The following TNFRSF11B variants were observed in gnomAD, a reference collection of about 807,000 sequenced individuals.
TNFRSF11B encodes the protein tumor necrosis factor receptor superfamily member 11B.
TNFRSF11B carries 16 observed loss-of-function variants against 43.4 expected under a neutral mutation model. The ratio of observed to expected loss-of-function variants is 0.37; its 90% CI spans 0.25 to 0.56. TNFRSF11B has a LOEUF of 0.56. TNFRSF11B is among the 20% of genes least tolerant of loss of function. The pLI, the probability that TNFRSF11B is intolerant of heterozygous loss-of-function variation, is 0.80. For missense variants in TNFRSF11B, 444 were observed against 490.1 expected, an observed-to-expected ratio of 0.91 and a Z score of 0.89; for synonymous variants, 185 against 181.8, an observed-to-expected ratio of 1.02 and a Z score of -0.14.
At chr8:118,930,858 C>T in intron 2 of TNFRSF11B, 4 of 380,888 alleles carry the variant, frequency 1.1e-5, no homozygotes, top group Admixed American at 8.1e-5. Flanking sequence ...AATGACAGAA[C>T]TAATGTTTCA....
chr8:118,951,844 G>T lies in TNFRSF11B; in HGVS notation c.-23C>A. ...CATTGTGGTCCCCGGAAACCTCAGG[G>T]GCTTGGAGGCGGCGGCTGGGCGAGC... On this transcript the variant is annotated 5_prime_UTR_variant, in exon 1 of 5. Coordinates refer to ENST00000297350, the MANE Select transcript of TNFRSF11B (RefSeq NM_002546.4). 6.3e-7 allele frequency: 1 copy of T among 1,580,236 alleles called. No homozygotes were observed. The highest frequency in any genetic ancestry group is 8.6e-7 in the Non-Finnish European group (1 of 1,162,838).
Position 118,933,022 on chromosome 8 carries a change from G to C in TNFRSF11B, c.309C>G (p.Arg103=). ...AGCGCCCTTCCTTGCATTCGCACAC[G>C]CGGTTGTGGGTGCGATTGCACTCCT... is the stretch of plus-strand genomic sequence containing the variant. ...VKQECNRTHN[R]VCECKEGRYL... is the part of the protein sequence containing the mutation. The change falls in exon 2 of 5, where the codon CGC becomes CGG. Residue 103 remains arginine, a synonymous_variant. Transcript: ENST00000297350. 6.2e-7 allele frequency: 1 copy of C among 1,614,146 alleles called. No homozygotes were observed. The highest frequency in any genetic ancestry group is 8.5e-7 in the Non-Finnish European group (1 of 1,180,022).
intron 4 of TNFRSF11B, among the ~76,000 whole-genome samples, chr8:118,926,222 A>G (rs530702917): frequency 2.4e-4 from 36 of 152,324 alleles, no homozygotes; most frequent in African/African-American, 7.7e-4. Context: ...TCCCTGAGAT[A>G]CAGCCCTGCC....
intron 1 of TNFRSF11B, among the ~76,000 whole-genome samples, chr8:118,947,475 C>T (rs1336264991): frequency 1.3e-5 from 2 of 152,122 alleles, no homozygotes; most frequent in African/African-American, 4.8e-5. Flanking sequence ...AGGAGAAGTT[C>T]TAGGAATCTG....
chr8:118,929,848 A>G (rs1207646628), intron 2 of TNFRSF11B, among the ~76,000 whole-genome samples: 1 of 152,256 alleles, frequency 6.6e-6, no homozygotes, highest in Non-Finnish European at 1.5e-5. Context: ...TGTAGATTTT[A>G]CAGGCCAATT....
At chr8:118,928,203 G>T in intron 3 of TNFRSF11B, among the ~76,000 whole-genome samples, 1 of 152,054 alleles carries the variant, frequency 6.6e-6, no homozygotes, top group East Asian at 1.9e-4. Context: ...TGTATTTTTA[G>T]TAGAGACAAG....
intron 1 of TNFRSF11B, among the ~76,000 whole-genome samples, chr8:118,939,606 G>A (rs11573875): frequency 0.022 from 3,369 of 152,268 alleles, 47 homozygotes; most frequent in Middle Eastern, 0.037. Context: ...GGTATGTGGT[G>A]TTGCCATTAA....
At chr8:118,948,607 T>TAAG (rs10675263) in intron 1 of TNFRSF11B, among the ~76,000 whole-genome samples, 101,287 of 151,714 alleles carry the variant, frequency 0.67, 35,815 homozygotes, top group African/African-American at 0.92. Context: ...AGTTTCAGCT[T>TAAG]AAGTAAAATT....
At chr8:118,927,245 A>C (rs1812256966) in intron 3 of TNFRSF11B, among the ~76,000 whole-genome samples, 1 of 152,202 alleles carries the variant, frequency 6.6e-6, no homozygotes, top group Admixed American at 6.5e-5. Context: ...ACCAAACATA[A>C]AACTATGTTA....
At chr8:118,926,801 A>C (rs1322777557) in intron 3 of TNFRSF11B, 83 bp from the exon 4 acceptor site, 1 of 1,269,816 alleles carries the variant, frequency 7.9e-7, no homozygotes, top group Non-Finnish European at 1.1e-6. Context: ...AAAACAAAAA[A>C]CCAACACAAT....
rs1169891314 is a variant in TNFRSF11B, at chr8:118,926,593, T to C, written c.718A>G (p.Ile240Val). 5 of 1,614,134 alleles carry C rather than the reference T, an allele frequency of 3.1e-6. No homozygotes were observed. The highest frequency in any genetic ancestry group is 1.1e-5 in the South Asian group (1 of 91,080). The change falls in exon 4 of 5, where the codon ATA becomes GTA. Residue 240 changes from isoleucine (I) to valine (V), a missense_variant. Ile to Val is a conservative substitution (Grantham distance 29). Coordinates refer to ENST00000297350, the MANE Select transcript of TNFRSF11B (RefSeq NM_002546.4). ...TCTTGTGAGCTGTGTTGCCGTTTTATCCTCTCTACACTCTCTGCGTTTACT... is the reference window on the plus strand; with the variant it reads ...TCTTGTGAGCTGTGTTGCCGTTTTACCCTCTCTACACTCTCTGCGTTTACT... ...TKVNAESVERIKRQHSSQEQT... is the reference protein window; with the variant it reads ...TKVNAESVERVKRQHSSQEQT...
At chr8:118,949,109 G>T (rs1812605692) in intron 1 of TNFRSF11B, among the ~76,000 whole-genome samples, 1 of 152,038 alleles carries the variant, frequency 6.6e-6, no homozygotes, top group African/African-American at 2.4e-5. Flanking sequence ...AACATTCCAG[G>T]AAAGCCCATG....
chr8:118,927,094 A>G (rs556604635), intron 3 of TNFRSF11B, among the ~76,000 whole-genome samples: 22 of 152,226 alleles, frequency 1.4e-4, no homozygotes, highest in Non-Finnish European at 2.1e-4. Context: ...AAAACAAATA[A>G]TTATCACTGA....
intron 1 of TNFRSF11B, among the ~76,000 whole-genome samples, chr8:118,941,352 G>A (rs1812482549): frequency 6.6e-6 from 1 of 152,138 alleles, no homozygotes; most frequent in African/African-American, 2.4e-5. Flanking sequence ...AAGGCAGGAA[G>A]GGCAAATGAA....
intron 3 of TNFRSF11B, among the ~76,000 whole-genome samples, chr8:118,927,550 C>CTT (rs1812260218): frequency 3.9e-5 from 3 of 76,828 alleles, no homozygotes; most frequent in South Asian, 6.8e-4. Context: ...CCCCTTCCTT[C>CTT]ATTTTTTTTT....
chr8:118,949,013 G>A (rs753023873), intron 1 of TNFRSF11B, among the ~76,000 whole-genome samples: 3 of 152,080 alleles, frequency 2.0e-5, no homozygotes, highest in East Asian at 3.9e-4. Context: ...GGATGGTTCC[G>A]ATACTACTTG....
At chr8:118,939,384 A>T (rs1812446987) in intron 1 of TNFRSF11B, among the ~76,000 whole-genome samples, 1 of 152,234 alleles carries the variant, frequency 6.6e-6, no homozygotes, top group South Asian at 2.1e-4. Context: ...ATTCTGATTT[A>T]AAATACTCAC....
chr8:118,933,113 C>T lies in TNFRSF11B; in HGVS notation c.218G>A (p.Ser73Asn), dbSNP rs1812352115. The change falls in exon 2 of 5, where the codon AGC (serine) becomes AAC (asparagine). Residue 73 changes from serine to asparagine, a missense_variant. Physicochemically the swap from Ser to Asn is conservative, Grantham distance 46 (BLOSUM62 1). Coordinates refer to ENST00000297350, the MANE Select transcript of TNFRSF11B (RefSeq NM_002546.4). ...TAGACACTCGTCACTGGTGTGCCAG[C>T]TGTCTGTGTAGTAGTGGTCAGGGCA... ...APCPDHYYTD[S>N]WHTSDECLYC... 1 of 1,614,198 alleles carries T rather than the reference C, an allele frequency of 6.2e-7. No homozygotes were observed. The highest frequency in any genetic ancestry group is 1.7e-5 in the Admixed American group (1 of 60,022).
chr8:118,926,372 A>G, intron 4 of TNFRSF11B, 122 bp downstream of exon 4: 2 of 966,182 alleles, frequency 2.1e-6, no homozygotes, highest in Non-Finnish European at 1.6e-6. Flanking sequence ...TTTCAGTCCA[A>G]CAATGATTCC....
Sources: gnomAD v4.1 joint callset for allele counts (sites outside exome capture counted in the v4.1 genomes callset) on GRCh38, gnomAD v4.1.1 for gene constraint, MANE v1.5 for transcripts, NCBI Gene and HGNC (gene_info 2026-07-23, HGNC 2026-07-21) for gene names.